Variants in CDKAL1 observed in about 807,000 individuals in gnomAD.
CDKAL1 encodes CDKAL1 threonylcarbamoyladenosine tRNA methylthiotransferase, also known as threonylcarbamoyladenosine tRNA methylthiotransferase.
A neutral mutation model predicts 68.2 loss-of-function variants in CDKAL1; 32 were observed. That is an observed-to-expected ratio of 0.47 (90% confidence interval 0.35 to 0.63). The LOEUF (loss-of-function observed/expected upper bound fraction) is 0.63. Among genes scored for constraint, CDKAL1 ranks in the 30% least tolerant of loss-of-function variants. The pLI, the probability that CDKAL1 is intolerant of heterozygous loss-of-function variation, is 0.00. For synonymous variants in CDKAL1, 234 were observed against 244.3 expected, an observed-to-expected ratio of 0.96 and a Z score of 0.39; for missense variants, 606 against 696.7, an observed-to-expected ratio of 0.87 and a Z score of 1.47.
At position 21,222,850 on chromosome 6, in the gene CDKAL1, G is replaced by GAT. The variant is rs561552091; in HGVS notation, c.1549-7995_1549-7994dup. ...AGACAGGTGGCAACTCTCTTACAGGGATATCTTTTATTTGAGCAGAACCAG... is the reference window on the plus strand; with the variant it reads ...AGACAGGTGGCAACTCTCTTACAGGGATATATCTTTTATTTGAGCAGAACCAG... On this transcript the variant is annotated intron_variant, in intron 15 of 15. Transcript: ENST00000274695. 2.2e-4 allele frequency among the ~76,000 whole-genome samples: 34 copies of GAT among 152,188 alleles called. 2 individuals are homozygous for GAT. The East Asian group carries it at 6.2e-3, about 28-fold the overall frequency.
chr6:20,709,081 G>C (rs1409366098), intron 5 of CDKAL1, among the ~76,000 whole-genome samples: 1 of 151,652 alleles, frequency 6.6e-6, no homozygotes, highest in East Asian at 1.9e-4. Context: ...TTTTACGACT[G>C]TATCCCCAGA....
chr6:20,757,297 C>A (rs1019169071), intron 6 of CDKAL1, among the ~76,000 whole-genome samples: 1 of 151,832 alleles, frequency 6.6e-6, no homozygotes, highest in African/African-American at 2.4e-5. Flanking sequence ...GAGTTCATTG[C>A]AGAGTTGTAT....
At chr6:20,838,492 ATAAC>A (rs1420284303) in intron 8 of CDKAL1, among the ~76,000 whole-genome samples, 1 of 152,212 alleles carries the variant, frequency 6.6e-6, no homozygotes, top group African/African-American at 2.4e-5. Flanking sequence ...AAAACTAAAA[ATAAC>A]AACGAAGGTG....
intron 11 of CDKAL1, among the ~76,000 whole-genome samples, chr6:21,048,806 C>CT (rs1770387027): frequency 6.6e-6 from 1 of 151,720 alleles, no homozygotes; most frequent in Non-Finnish European, 1.5e-5. Flanking sequence ...GTTTCAGTCT[C>CT]TAAGTGGTTT....
At chr6:20,935,866 T>C (rs929192182) in intron 9 of CDKAL1, among the ~76,000 whole-genome samples, 3 of 152,166 alleles carry the variant, frequency 2.0e-5, no homozygotes, top group Non-Finnish European at 4.4e-5. Context: ...ATTCCTCTTC[T>C]GCTCACTGCA....
intron 9 of CDKAL1, among the ~76,000 whole-genome samples, chr6:20,940,287 T>C (rs938277956): frequency 1.3e-4 from 20 of 152,268 alleles, no homozygotes; most frequent in Non-Finnish European, 2.4e-4. Flanking sequence ...GAATTTTCAG[T>C]TTCTGTTGAT....
At chr6:20,674,587 A>T (rs1366457752) in intron 5 of CDKAL1, among the ~76,000 whole-genome samples, 1 of 152,178 alleles carries the variant, frequency 6.6e-6, no homozygotes, top group Non-Finnish European at 1.5e-5. Flanking sequence ...TTGGGTTGGG[A>T]ACATTAAAAA....
chr6:20,922,881 T>A (rs967344545), intron 9 of CDKAL1, among the ~76,000 whole-genome samples: 9 of 152,236 alleles, frequency 5.9e-5, no homozygotes, highest in African/African-American at 2.2e-4. Flanking sequence ...TTTGAGATGA[T>A]CTATTAAAAT....
At chr6:20,708,720 G>A (rs1771713784) in intron 5 of CDKAL1, among the ~76,000 whole-genome samples, 1 of 152,084 alleles carries the variant, frequency 6.6e-6, no homozygotes, top group African/African-American at 2.4e-5. Flanking sequence ...TTTTATTTTA[G>A]TTTTTTGTAT....
chr6:20,987,897 G>A lies in CDKAL1; in HGVS notation c.910-12330G>A, dbSNP rs541871030. Among the ~76,000 whole-genome samples, 62 of 150,582 alleles carry A rather than the reference G, an allele frequency of 4.1e-4. No homozygotes were observed. The South Asian group carries it at 0.012, about 30-fold the overall frequency. On this transcript the variant is annotated intron_variant, in intron 10 of 15. Transcript: ENST00000274695. ...TGGGCTCATGTGATCCTTCTACCTC[G>A]GCCTCCCAAGTAGCTGGAACTCCAG...
At chr6:20,848,001 T>C (rs1778438419) in intron 9 of CDKAL1, among the ~76,000 whole-genome samples, 2 of 152,274 alleles carry the variant, frequency 1.3e-5, no homozygotes, top group South Asian at 2.1e-4. Context: ...GTTCATCCCA[T>C]GTAAATGAAA....
intron 13 of CDKAL1, among the ~76,000 whole-genome samples, chr6:21,124,047 C>T (rs1036603150): frequency 3.3e-5 from 5 of 152,214 alleles, no homozygotes. Flanking sequence ...TTGTAACATG[C>T]ACATGTTCTC....
chr6:20,761,557 T>C (rs1364184026), intron 7 of CDKAL1, among the ~76,000 whole-genome samples: 1 of 152,166 alleles, frequency 6.6e-6, no homozygotes, highest in Non-Finnish European at 1.5e-5. Context: ...GAAACTGTGG[T>C]ACATGCAGAC....
intron 9 of CDKAL1, among the ~76,000 whole-genome samples, chr6:20,858,004 C>T (rs957219714): frequency 6.6e-5 from 10 of 152,262 alleles, no homozygotes; most frequent in African/African-American, 1.2e-4. Context: ...GGATTACAGG[C>T]GCATGCCACG....
intron 12 of CDKAL1, among the ~76,000 whole-genome samples, chr6:21,070,900 C>G (rs900750231): frequency 5.9e-5 from 9 of 152,180 alleles, no homozygotes; most frequent in African/African-American, 2.2e-4. Context: ...AATGCAGACT[C>G]TCAGGCCCCA....
chr6:21,123,137 C>T (rs577211799), intron 13 of CDKAL1, among the ~76,000 whole-genome samples: 2 of 152,066 alleles, frequency 1.3e-5, no homozygotes, highest in South Asian at 4.2e-4. Context: ...TATTATTTTC[C>T]CCACCTTATA....
intron 12 of CDKAL1, among the ~76,000 whole-genome samples, chr6:21,085,273 T>C (rs2150962169): frequency 6.6e-6 from 1 of 152,332 alleles, no homozygotes; most frequent in East Asian, 1.9e-4. Flanking sequence ...TTAGAAATCA[T>C]AGTCAAAACT....
At position 20,546,472 on chromosome 6, in the gene CDKAL1, G is replaced by GT. The variant is rs755550602; in HGVS notation, c.122_123insT (p.Asn42LysfsTer16). On this transcript the variant is annotated frameshift_variant, in exon 3 of 16. Coordinates refer to ENST00000274695, the MANE Select transcript of CDKAL1 (RefSeq NM_017774.3). LOFTEE classifies it high-confidence loss of function. ...GATGTTGTCCCGAAGGTACGAAGGCGAAATACCCAAAAATATTTGCAAGAG... is the reference window on the plus strand; with the variant it reads ...GATGTTGTCCCGAAGGTACGAAGGCGTAAATACCCAAAAATATTTGCAAGAG... 1 of 1,614,088 alleles carries GT rather than the reference G, an allele frequency of 6.2e-7. No homozygotes were observed. The highest frequency in any genetic ancestry group is 1.3e-5 in the African/African-American group (1 of 75,046).
chr6:20,546,433 A>G lies in CDKAL1; in HGVS notation c.83A>G (p.His28Arg). Residue 28 changes from histidine (H) to arginine (R), a missense_variant, in exon 3 of 16, where the codon CAT becomes CGT. Transcript: ENST00000274695. ...GAAGATTCAAAACCACAAGATAGGC[A>G]TTTTGTAAGAAAGGATGTTGTCCCG... The part of the protein sequence containing the change: ...SQEDSKPQDR[H>R]FVRKDVVPKV... 6.2e-7 allele frequency: 1 copy of G among 1,614,172 alleles called. No individual in the cohort carries two copies. Among genetic ancestry groups the G allele is most frequent in the Non-Finnish European group, 8.5e-7 (1 of 1,179,990 alleles).
Sources: gnomAD v4.1 joint callset for allele counts (sites outside exome capture counted in the v4.1 genomes callset) on GRCh38, gnomAD v4.1.1 for gene constraint, MANE v1.5 for transcripts, NCBI Gene and HGNC (gene_info 2026-07-23, HGNC 2026-07-21) for gene names.